Variants in ACSS3 observed in about 807,000 individuals in gnomAD.
ACSS3 encodes acyl-CoA synthetase short-chain family member 3, mitochondrial.
A neutral mutation model predicts 84.2 loss-of-function variants in ACSS3; 64 were observed. That is an observed-to-expected ratio of 0.76 (90% confidence interval 0.62 to 0.94). The LOEUF (loss-of-function observed/expected upper bound fraction) is 0.94. ACSS3 is among the 40% of genes least tolerant of loss of function. The pLI, the probability that ACSS3 is intolerant of heterozygous loss-of-function variation, is 0.00. For missense variants in ACSS3, 815 were observed against 867.6 expected (o/e 0.94, Z 0.76); for synonymous variants, 317 against 310.1 (o/e 1.02, Z -0.23).
In ACSS3 at chr12:81,249,780, C is replaced by T. The variant is rs900058194; in HGVS notation, c.1720-3527C>T. Among the ~76,000 whole-genome samples, 7 of 151,974 alleles carry T rather than the reference C, an allele frequency of 4.6e-5. No individual in the cohort carries two copies. In the South Asian group the frequency reaches 6.2e-4, roughly 14 times the overall value. ...GAAATTTTTAAAAATCTGTCTTCTT[C>T]GAACCATTGCATAGACAATATTGCA... On this transcript the variant is annotated intron_variant, in intron 13 of 15. Transcript: ENST00000548058.
chr12:81,111,698 G>T (rs1883609464), intron 2 of ACSS3, among the ~76,000 whole-genome samples: 1 of 152,152 alleles, frequency 6.6e-6, no homozygotes, highest in South Asian at 2.1e-4. Flanking sequence ...CTTTCTCAGG[G>T]TATGGTCAAG....
intron 5 of ACSS3, among the ~76,000 whole-genome samples, chr12:81,145,932 C>T (rs1347155302): frequency 6.6e-6 from 1 of 152,110 alleles, no homozygotes; most frequent in Non-Finnish European, 1.5e-5. Flanking sequence ...TACAGAATGG[C>T]AAAAGAAGGT....
chr12:81,205,710 C>G (rs189863578), intron 9 of ACSS3, among the ~76,000 whole-genome samples: 1 of 152,154 alleles, frequency 6.6e-6, no homozygotes, highest in Admixed American at 6.6e-5. Context: ...TTTCATGTGT[C>G]CATGTTGATA....
rs1221256963 is a variant in ACSS3 at position 81,255,605 on chromosome 12, A to C, written c.*683A>C. 6.6e-6 allele frequency: 1 copy of C among 152,162 alleles called. No homozygotes were observed. Among genetic ancestry groups the C allele is most frequent in the African/African-American group, 2.4e-5 (1 of 41,406 alleles). 9.4% of individuals were successfully genotyped at this position (152,162 alleles called of 1,614,324 possible). On this transcript the variant is annotated 3_prime_UTR_variant, in exon 16 of 16. Transcript: ENST00000548058. ...GAGGCTGAGGCAGGCGGATCACTTGAGGTCAGCAGTTTGAGACGAGCCTGG... is the reference window on the plus strand; with the variant it reads ...GAGGCTGAGGCAGGCGGATCACTTGCGGTCAGCAGTTTGAGACGAGCCTGG...
chr12:81,099,995 C>A (rs1308628586), intron 1 of ACSS3, among the ~76,000 whole-genome samples: 1 of 152,086 alleles, frequency 6.6e-6, no homozygotes, highest in Non-Finnish European at 1.5e-5. Flanking sequence ...CAAATACATG[C>A]CCCAGTCTCA....
chr12:81,252,051 C>A (rs1284955586), intron 13 of ACSS3, among the ~76,000 whole-genome samples: 1 of 152,090 alleles, frequency 6.6e-6, no homozygotes, highest in African/African-American at 2.4e-5. Context: ...CCACATTGGT[C>A]TCTTTGAGGT....
At chr12:81,132,220 G>T (rs887809290) in intron 2 of ACSS3, among the ~76,000 whole-genome samples, 1 of 152,010 alleles carries the variant, frequency 6.6e-6, no homozygotes, top group Admixed American at 6.6e-5. Context: ...TCGTTTTTGT[G>T]CCTCTGGTAG....
intron 13 of ACSS3, among the ~76,000 whole-genome samples, chr12:81,243,392 C>G (rs1164702009): frequency 6.6e-6 from 1 of 152,182 alleles, no homozygotes; most frequent in Non-Finnish European, 1.5e-5. Context: ...ATTCCACGCT[C>G]ATGGGTAGGA....
chr12:81,215,766 T>G (rs182902075), intron 9 of ACSS3, among the ~76,000 whole-genome samples: 8 of 152,328 alleles, frequency 5.3e-5, no homozygotes, highest in Non-Finnish European at 8.8e-5. Context: ...AAGATTGTGT[T>G]AACTCCAAAC....
intron 5 of ACSS3, among the ~76,000 whole-genome samples, chr12:81,145,006 T>C (rs1214944606): frequency 6.8e-6 from 1 of 147,460 alleles, no homozygotes; most frequent in South Asian, 2.2e-4. Flanking sequence ...GTTCACGCCA[T>C]TCTCGTGCCT....
intron 11 of ACSS3, among the ~76,000 whole-genome samples, chr12:81,223,485 C>T (rs775369371): frequency 1.3e-5 from 2 of 152,004 alleles, no homozygotes; most frequent in Non-Finnish European, 2.9e-5. Context: ...TAATTATAAT[C>T]CTGCTCCTTT....
chr12:81,245,609 G>A (rs1284265583), intron 13 of ACSS3, among the ~76,000 whole-genome samples: 1 of 152,152 alleles, frequency 6.6e-6, no homozygotes, highest in African/African-American at 2.4e-5. Context: ...CCTGGAAAAA[G>A]GAACACAGTG....
chr12:81,213,712 G>T (rs150953443), intron 9 of ACSS3, among the ~76,000 whole-genome samples: 11,702 of 40,156 alleles, frequency 0.29, 3,192 homozygotes, highest in Middle Eastern at 0.37. Flanking sequence ...TCTCCCCTCC[G>T]CTCCCCTCCG....
intron 13 of ACSS3, among the ~76,000 whole-genome samples, chr12:81,240,927 C>A (rs950609306): frequency 1.3e-5 from 2 of 151,932 alleles, no homozygotes; most frequent in African/African-American, 4.8e-5. Flanking sequence ...TGCTGGTGCA[C>A]TGCACCCACT....
chr12:81,250,798 C>T (rs1292429860), intron 13 of ACSS3, among the ~76,000 whole-genome samples: 1 of 152,172 alleles, frequency 6.6e-6, no homozygotes, highest in Admixed American at 6.6e-5. Context: ...ATGTTCTTCA[C>T]TCATTAAGGG....
chr12:81,251,802 C>A (rs1008261266), intron 13 of ACSS3, among the ~76,000 whole-genome samples: 1 of 151,982 alleles, frequency 6.6e-6, no homozygotes, highest in African/African-American at 2.4e-5. Context: ...ATGAACATGC[C>A]AGCGCACTCC....
intron 3 of ACSS3, among the ~76,000 whole-genome samples, chr12:81,138,660 GA>G (rs148340530): frequency 6.6e-6 from 1 of 152,086 alleles, no homozygotes; most frequent in Admixed American, 6.6e-5. Flanking sequence ...TTTAGAATGA[GA>G]AAAAATTATT....
chr12:81,123,576 CACAGT>C (rs772428316), intron 2 of ACSS3, among the ~76,000 whole-genome samples: 7 of 151,942 alleles, frequency 4.6e-5, no homozygotes, highest in Non-Finnish European at 1.0e-4. Flanking sequence ...TTCAGATGAG[CACAGT>C]ACCTGATAGG....
chr12:81,172,259 C>CAAAAAAAAAAAAAAA (rs775755412), intron 7 of ACSS3, among the ~76,000 whole-genome samples: 16 of 56,966 alleles, frequency 2.8e-4, no homozygotes, highest in African/African-American at 1.1e-3. Context: ...GGCTCTGTCT[C>CAAAAAAAAAAAAAAA]AAAAAAAAAA....
Sources: gnomAD v4.1 joint callset for allele counts (sites outside exome capture counted in the v4.1 genomes callset) on GRCh38, gnomAD v4.1.1 for gene constraint, MANE v1.5 for transcripts, NCBI Gene and HGNC (gene_info 2026-07-23, HGNC 2026-07-21) for gene names.